Variants in SVBP observed in about 807,000 individuals in gnomAD.
The protein encoded by SVBP is small vasohibin-binding protein.
SVBP carries 9 observed loss-of-function variants against 9.2 expected under a neutral mutation model. The observed-to-expected ratio is 0.98, with a 90% CI of 0.59 to 1.71. The LOEUF (loss-of-function observed/expected upper bound fraction) is 1.71, where lower values mean the gene tolerates loss of function less well. Among genes scored for constraint, SVBP ranks in the 40% most tolerant of loss-of-function variants. The pLI is 0.00. For missense variants in SVBP, 63 were observed against 73.2 expected, an observed-to-expected ratio of 0.86 and a Z score of 0.51; for synonymous variants, 27 against 23.9, an observed-to-expected ratio of 1.13 and a Z score of -0.37.
chr1:42,811,122 G>C (rs1011584973), intron 2 of SVBP, among the ~76,000 whole-genome samples: 14 of 151,128 alleles, frequency 9.3e-5, no homozygotes, highest in African/African-American at 3.2e-4. Context: ...CTGGGTGACA[G>C]AGCGAGACTC....
At chr1:42,811,894 T>C (rs1447327762) in intron 2 of SVBP, among the ~76,000 whole-genome samples, 2 of 152,132 alleles carry the variant, frequency 1.3e-5, no homozygotes, top group African/African-American at 2.4e-5. Context: ...CCTTACAATA[T>C]GCACAGAGGA....
intron 2 of SVBP, among the ~76,000 whole-genome samples, chr1:42,812,770 T>C (rs917839503): frequency 6.6e-6 from 1 of 152,238 alleles, no homozygotes; most frequent in African/African-American, 2.4e-5. Context: ...GTTGCAAGAA[T>C]ATGACAGCTG....
chr1:42,816,701 G>C (rs1654220227), intron 1 of SVBP, 121 bp from the exon 2 acceptor site: 1 of 582,592 alleles, frequency 1.7e-6, no homozygotes, highest in African/African-American at 1.9e-5. Flanking sequence ...GAGTGGTCTG[G>C]TGGCAAGGGC....
chr1:42,815,639 A>G (rs755156875), intron 2 of SVBP, among the ~76,000 whole-genome samples: 3 of 152,122 alleles, frequency 2.0e-5, no homozygotes, highest in Non-Finnish European at 4.4e-5. Flanking sequence ...TATTATAAAA[A>G]TTAATGAGAA....
Position 42,813,031 on chromosome 1 carries a change from C to G in SVBP, c.114+3400G>C, listed in dbSNP as rs144207594. Among the ~76,000 whole-genome samples, 1,073 of 152,210 alleles carry G rather than the reference C, an allele frequency of 7.0e-3. 11 individuals are homozygous for G. The highest frequency in any genetic ancestry group is 0.024 in the African/African-American group (1,009 of 41,512). On this transcript the variant is annotated intron_variant, in intron 2 of 2. Transcript: ENST00000372521. ...CAAACTATGTGAAAAAAAATCATGC[C>G]TAGTCAATCCTAGTCAATCATTTTA... is the stretch of plus-strand genomic sequence containing the variant.
intron 2 of SVBP, among the ~76,000 whole-genome samples, chr1:42,809,325 G>T (rs1336038648): frequency 6.6e-6 from 1 of 152,064 alleles, no homozygotes; most frequent in South Asian, 2.1e-4. Flanking sequence ...AAACTTAGAA[G>T]TGGGACAAAT....
intron 2 of SVBP, among the ~76,000 whole-genome samples, chr1:42,812,719 T>G (rs902064510): frequency 6.6e-6 from 1 of 152,274 alleles, no homozygotes; most frequent in African/African-American, 2.4e-5. Flanking sequence ...AATAATGTTT[T>G]TTCACATTTT....
chr1:42,811,847 T>A (rs1439588184), intron 2 of SVBP, among the ~76,000 whole-genome samples: 1 of 151,980 alleles, frequency 6.6e-6, no homozygotes, highest in African/African-American at 2.4e-5. Flanking sequence ...TACAGAAGGG[T>A]GTCAATAAGG....
At chr1:42,810,347 C>T (rs1460217834) in intron 2 of SVBP, among the ~76,000 whole-genome samples, 1 of 152,080 alleles carries the variant, frequency 6.6e-6, no homozygotes, top group Non-Finnish European at 1.5e-5. Context: ...GGGATTTCAC[C>T]ATGTTGGCCA....
intron 2 of SVBP, among the ~76,000 whole-genome samples, chr1:42,815,402 C>A (rs1391722023): frequency 6.3e-5 from 9 of 142,298 alleles, no homozygotes; most frequent in East Asian, 2.0e-4. Flanking sequence ...GACTCCATCT[C>A]AAAAAAAAAA....
At chr1:42,815,011 A>G (rs1209434555) in intron 2 of SVBP, among the ~76,000 whole-genome samples, 1 of 152,128 alleles carries the variant, frequency 6.6e-6, no homozygotes, top group Non-Finnish European at 1.5e-5. Context: ...AATGTGGCAC[A>G]TATACACCAT....
Position 42,807,357 on chromosome 1 carries a change from A to C in SVBP, c.*57T>G, listed in dbSNP as rs559191525. The stretch of plus-strand genomic sequence containing the variant: ...GCTCCAAATGGGCCATCTCAGCTTA[A>C]AACTGGCAACACCCTCTCAAAGCTC... On this transcript the variant is annotated 3_prime_UTR_variant, in exon 3 of 3. Transcript: ENST00000372521. 18 of 1,337,674 alleles carry C rather than the reference A, an allele frequency of 1.3e-5. No homozygotes were observed. The African/African-American group carries it at 2.0e-4, about 15-fold the overall frequency. The allele number at this position is 1,337,674 out of a possible 1,614,324, so 82.9% of individuals were successfully genotyped here.
chr1:42,811,507 T>C (rs575439105), intron 2 of SVBP, among the ~76,000 whole-genome samples: 1 of 152,276 alleles, frequency 6.6e-6, no homozygotes, highest in South Asian at 2.1e-4. Flanking sequence ...TTTCAGCAGG[T>C]CAACAGGAAC....
At chr1:42,816,166 AT>A (rs771407593) in intron 2 of SVBP, 26 of 398,634 alleles carry the variant, frequency 6.5e-5, no homozygotes, top group East Asian at 2.0e-4. Context: ...CTTACATATC[AT>A]TTTTTTTCCT....
chr1:42,810,151 CACATAT>C lies in SVBP; in HGVS notation c.115-2657_115-2652del, dbSNP rs1189725706. The stretch of plus-strand genomic sequence containing the variant: ...ACACACACACACACACACACACACA[CACATAT>C]ATTTTTTTTGTGAGCAGAGTCTTGC... On this transcript the variant is annotated intron_variant, in intron 2 of 2. Transcript: ENST00000372521. Among the ~76,000 whole-genome samples, 496 of 146,830 alleles carry C rather than the reference CACATAT, an allele frequency of 3.4e-3. 1 individual carries two copies. The highest frequency in any genetic ancestry group is 0.013 in the African/African-American group (477 of 36,738).
intron 2 of SVBP, among the ~76,000 whole-genome samples, chr1:42,811,177 A>G (rs964560537): frequency 6.0e-5 from 9 of 150,616 alleles, no homozygotes; most frequent in African/African-American, 2.3e-4. Flanking sequence ...AACAGAAAAA[A>G]AAACAGCAAG....
At chr1:42,813,637 G>A in intron 2 of SVBP, 1 of 528,842 alleles carries the variant, frequency 1.9e-6, no homozygotes, top group South Asian at 1.4e-5. Context: ...CCACATATGG[G>A]CTGGCAACTG....
intron 2 of SVBP, among the ~76,000 whole-genome samples, chr1:42,812,934 T>C (rs1050611971): frequency 7.2e-5 from 11 of 152,366 alleles, no homozygotes; most frequent in African/African-American, 2.6e-4. Context: ...AAAGAGGTAC[T>C]TACTTTTCAA....
rs1030547405 is a variant in SVBP at position 42,817,249 on chromosome 1, G to A, written c.-96C>T. On this transcript the variant is annotated 5_prime_UTR_variant, in exon 1 of 3. Transcript: ENST00000372521. ...CGCCGAGTCGCAGACAACGCCTCCG[G>A]GAGGGTAATCCTCGCCTTCCCCCGA... 1.1e-5 allele frequency: 14 copies of A among 1,253,238 alleles called. No homozygotes were observed. The highest frequency in any genetic ancestry group is 1.3e-5 in the Non-Finnish European group (13 of 972,390). 77.6% of individuals were successfully genotyped at this position (1,253,238 alleles called of 1,614,324 possible).
Sources: allele counts gnomAD v4.1 joint callset (sites outside exome capture counted in the v4.1 genomes callset), GRCh38; gene constraint gnomAD v4.1.1; transcripts MANE v1.5; gene names NCBI Gene and HGNC (gene_info 2026-07-23, HGNC 2026-07-21).